The following PDE1C variants were observed in gnomAD, a reference collection of about 807,000 sequenced individuals.
PDE1C encodes dual specificity calcium/calmodulin-dependent 3',5'-cyclic nucleotide phosphodiesterase 1C.
Under a neutral mutation model 93.1 loss-of-function variants are expected in PDE1C, and 62 were observed. That is an observed-to-expected ratio of 0.67 (90% CI 0.54 to 0.82). The LOEUF (loss-of-function observed/expected upper bound fraction) is 0.82. PDE1C is among the 40% of genes least tolerant of loss of function. The pLI, the probability that PDE1C is intolerant of heterozygous loss-of-function variation, is 0.00. For missense variants in PDE1C, 742 were observed against 884.6 expected, an observed-to-expected ratio of 0.84 and a Z score of 2.04; for synonymous variants, 325 against 310.1, an observed-to-expected ratio of 1.05 and a Z score of -0.50.
At chr7:32,302,190 C>G (rs571273484), upstream of PDE1C, among the ~76,000 whole-genome samples, 1 of 152,210 alleles carries the variant, frequency 6.6e-6, no homozygotes, top group African/African-American at 2.4e-5. Context: ...TACTTTACAT[C>G]TGTCAGGGTT....
At chr7:31,951,127 T>A (rs974071584) in intron 2 of PDE1C, among the ~76,000 whole-genome samples, 4 of 152,184 alleles carry the variant, frequency 2.6e-5, no homozygotes, top group Non-Finnish European at 5.9e-5. Flanking sequence ...AAGACACCAG[T>A]CCCATTCGAT....
Position 31,789,202 on chromosome 7 carries a change from C to G in PDE1C, c.1892-13470G>C, listed in dbSNP as rs1784314255. 1.3e-5 allele frequency: 2 copies of G among 152,142 alleles called. 1 individual carries two copies. The highest frequency in any genetic ancestry group is 4.1e-4 in the South Asian group (2 of 4,830). The allele number at this position is 152,142 out of a possible 1,614,324, so 9.4% of individuals were successfully genotyped here. A position where few individuals can be genotyped will look rare whatever the true frequency, so the allele number is the denominator to read the frequency against. Reference sequence around the variant, plus strand: ...ATAAAATCCCACTTTACTTGCACTCCCTTAGATCCCACCTGTAATTTGGTC... The same window carrying G: ...ATAAAATCCCACTTTACTTGCACTCGCTTAGATCCCACCTGTAATTTGGTC... On this transcript the variant is annotated intron_variant, in intron 16 of 17. Coordinates refer to ENST00000396191, the MANE Select transcript of PDE1C (RefSeq NM_001191057.4).
At chr7:32,182,274 G>C (rs1268739169) in intron 2 of PDE1C, among the ~76,000 whole-genome samples, 1 of 152,180 alleles carries the variant, frequency 6.6e-6, no homozygotes, top group Non-Finnish European at 1.5e-5. Flanking sequence ...AATAGAAAAA[G>C]AGGAATCCTT....
chr7:32,063,815 C>G (rs1353050011), intron 1 of PDE1C, among the ~76,000 whole-genome samples: 3 of 152,208 alleles, frequency 2.0e-5, no homozygotes, highest in Non-Finnish European at 4.4e-5. Context: ...ATCACTTAGT[C>G]AGCAATTAAT....
intron 1 of PDE1C, among the ~76,000 whole-genome samples, chr7:32,359,541 C>T (rs1784094874): frequency 6.6e-6 from 1 of 152,198 alleles, no homozygotes; most frequent in Non-Finnish European, 1.5e-5. Flanking sequence ...GTGCCTAGCA[C>T]ACATAGTAAG....
intron 2 of PDE1C, among the ~76,000 whole-genome samples, chr7:32,023,830 T>C (rs1357163138): frequency 6.6e-6 from 1 of 152,050 alleles, no homozygotes; most frequent in Non-Finnish European, 1.5e-5. Context: ...AGGCTGTTGA[T>C]TGTGGAGGTA....
chr7:32,014,729 T>C (rs1249103549), intron 2 of PDE1C, among the ~76,000 whole-genome samples: 1 of 152,172 alleles, frequency 6.6e-6, no homozygotes, highest in Non-Finnish European at 1.5e-5. Flanking sequence ...TCTGTTCCTG[T>C]GTCAGTTGGC....
chr7:31,749,780 C>T (rs1168817195), downstream of PDE1C, among the ~76,000 whole-genome samples: 1 of 143,568 alleles, frequency 7.0e-6, no homozygotes, highest in Non-Finnish European at 1.5e-5. Flanking sequence ...CTCTGTCGCA[C>T]AGGCTGGAGT....
chr7:32,159,204 T>C (rs1801761238), intron 3 of PDE1C, among the ~76,000 whole-genome samples: 1 of 152,190 alleles, frequency 6.6e-6, no homozygotes, highest in African/African-American at 2.4e-5. Context: ...TTGTAGAGTA[T>C]GCACTGAGCA....
chr7:32,300,822 T>C (rs1202806333), upstream of PDE1C, among the ~76,000 whole-genome samples: 2 of 152,160 alleles, frequency 1.3e-5, no homozygotes, highest in Non-Finnish European at 2.9e-5. Flanking sequence ...ACATGTAATA[T>C]AATGTGGGCT....
intron 1 of PDE1C, among the ~76,000 whole-genome samples, chr7:32,056,002 G>A (rs1794028241): frequency 6.6e-6 from 1 of 152,162 alleles, no homozygotes; most frequent in Non-Finnish European, 1.5e-5. Flanking sequence ...TTACAGGCAT[G>A]AGCCACCATT....
At chr7:31,788,907 C>T (rs1413510303) in intron 16 of PDE1C, 2 of 152,182 alleles carry the variant, frequency 1.3e-5, no homozygotes, top group Admixed American at 1.3e-4. Context: ...CACATACAGT[C>T]TCTTTCTTTC....
chr7:31,865,412 G>A (rs1019609962), intron 6 of PDE1C, among the ~76,000 whole-genome samples: 2 of 152,130 alleles, frequency 1.3e-5, no homozygotes, highest in Non-Finnish European at 2.9e-5. Context: ...AAACTGAGTT[G>A]TTGGTGACTA....
the PDE1C span, chr7:31,708,126 T>C: frequency 6.6e-6 from 1 of 152,232 alleles, no homozygotes; most frequent in Non-Finnish European, 1.5e-5. Flanking sequence ...CTCACTTATT[T>C]AGACTCTATT....
the PDE1C span, among the ~76,000 whole-genome samples, chr7:31,634,849 CAGAGTA>C: frequency 1.3e-5 from 2 of 152,118 alleles, no homozygotes; most frequent in Non-Finnish European, 2.9e-5. Flanking sequence ...CCCACTGGAG[CAGAGTA>C]AGGAAGAACT....
chr7:32,358,296 C>T (rs215695), intron 1 of PDE1C, among the ~76,000 whole-genome samples: 96,310 of 152,110 alleles, frequency 0.63, 31,479 homozygotes, highest in Admixed American at 0.76. Flanking sequence ...GTTTGTTCTT[C>T]GGAACTTAAT....
At chr7:32,003,172 C>T (rs1260630891) in intron 2 of PDE1C, among the ~76,000 whole-genome samples, 2 of 152,194 alleles carry the variant, frequency 1.3e-5, no homozygotes, top group Non-Finnish European at 2.9e-5. Flanking sequence ...CAGCTTCTCT[C>T]TGGAATAAGG....
the PDE1C span, among the ~76,000 whole-genome samples, chr7:31,737,521 GCTGGGTGCAGTGGCTCATGCCTGT>G: frequency 1.3e-5 from 2 of 152,104 alleles, no homozygotes; most frequent in Non-Finnish European, 2.9e-5. Context: ...GTAAGTCCAG[GCTGGGTGCAGTGGCTCATGCCTGT>G]AATGCCAGCA....
the PDE1C span, among the ~76,000 whole-genome samples, chr7:31,715,069 G>A: frequency 2.6e-5 from 4 of 152,096 alleles, no homozygotes; most frequent in Non-Finnish European, 5.9e-5. Flanking sequence ...GCCAATCATC[G>A]CTGATATTTG....
Sources: gnomAD v4.1 joint callset for allele counts (sites outside exome capture counted in the v4.1 genomes callset) on GRCh38, gnomAD v4.1.1 for gene constraint, MANE v1.5 for transcripts, NCBI Gene and HGNC (gene_info 2026-07-23, HGNC 2026-07-21) for gene names.